GRM7: variants seen among roughly 807,000 people sequenced by gnomAD.
The protein encoded by GRM7 is glutamate metabotropic receptor 7, also known as metabotropic glutamate receptor 7.
GRM7 carries 35 observed loss-of-function variants against 84.5 expected under a neutral mutation model. The ratio of observed to expected loss-of-function variants is 0.41; its 90% CI spans 0.32 to 0.55. The LOEUF (loss-of-function observed/expected upper bound fraction) is 0.55, where lower values mean the gene tolerates loss of function less well. Among genes scored for constraint, GRM7 ranks in the 20% least tolerant of loss-of-function variants. The pLI is 0.19. For missense variants in GRM7, 1,003 were observed against 1,194.6 expected, an observed-to-expected ratio of 0.84 and a Z score of 2.36; for synonymous variants, 487 against 455.1, an observed-to-expected ratio of 1.07 and a Z score of -0.89.
At chr3:7,630,438 A>G (rs1314309085) in intron 8 of GRM7, among the ~76,000 whole-genome samples, 1 of 152,190 alleles carries the variant, frequency 6.6e-6, no homozygotes, top group Non-Finnish European at 1.5e-5. Flanking sequence ...GGTGACCTGT[A>G]TCTCTGTTGA....
At chr3:7,688,160 G>A (rs971458257) in intron 9 of GRM7, among the ~76,000 whole-genome samples, 2 of 152,130 alleles carry the variant, frequency 1.3e-5, no homozygotes, top group African/African-American at 4.8e-5. Context: ...TCCTGTCTAA[G>A]TTGACGCCTT....
intron 1 of GRM7, among the ~76,000 whole-genome samples, chr3:6,985,709 C>A (rs1694382780): frequency 6.6e-6 from 1 of 152,122 alleles, no homozygotes; most frequent in South Asian, 2.1e-4. Flanking sequence ...TCTGCTGGTG[C>A]TGAGGTAGTA....
chr3:7,074,672 G>C (rs565679314), intron 1 of GRM7, among the ~76,000 whole-genome samples: 53 of 152,170 alleles, frequency 3.5e-4, no homozygotes, highest in Non-Finnish European at 2.5e-4. Flanking sequence ...ATAATAATCA[G>C]TGACAGGCTG....
intron 1 of GRM7, among the ~76,000 whole-genome samples, chr3:6,895,748 TGTAAATACAA>T (rs960447020): frequency 5.3e-5 from 8 of 152,216 alleles, no homozygotes; most frequent in Admixed American, 5.2e-4. Flanking sequence ...ATATTTGAAT[TGTAAATACAA>T]GAATTTACTT....
intron 1 of GRM7, among the ~76,000 whole-genome samples, chr3:6,978,415 A>C (rs55654032): frequency 0.12 from 18,635 of 152,134 alleles, 1,217 homozygotes; most frequent in East Asian, 0.16. Context: ...AGTTTGTGGT[A>C]ATTTTTTAAA....
chr3:7,024,966 C>T (rs919824884), intron 1 of GRM7, among the ~76,000 whole-genome samples: 1 of 152,162 alleles, frequency 6.6e-6, no homozygotes, highest in Non-Finnish European at 1.5e-5. Flanking sequence ...AGTGCTAAAT[C>T]AACATGTTGG....
chr3:6,934,779 G>A (rs561158329), intron 1 of GRM7, among the ~76,000 whole-genome samples: 1 of 152,264 alleles, frequency 6.6e-6, no homozygotes, highest in South Asian at 2.1e-4. Context: ...AATAGAACTA[G>A]ATGAAGTTTG....
At chr3:7,214,425 C>G (rs1696534711) in intron 2 of GRM7, among the ~76,000 whole-genome samples, 2 of 152,204 alleles carry the variant, frequency 1.3e-5, no homozygotes, top group South Asian at 4.1e-4. Context: ...GGCTTGACCC[C>G]TTAGAGTTCA....
chr3:7,394,966 A>T (rs1000178322), intron 4 of GRM7, among the ~76,000 whole-genome samples: 8 of 151,082 alleles, frequency 5.3e-5, no homozygotes, highest in African/African-American at 1.5e-4. Context: ...TGAACCCAGG[A>T]GGTGGAGGTT....
At chr3:7,700,271 C>T (rs1476991208) in intron 9 of GRM7, among the ~76,000 whole-genome samples, 2 of 152,162 alleles carry the variant, frequency 1.3e-5, no homozygotes, top group Non-Finnish European at 2.9e-5. Flanking sequence ...TCTCTCTGGT[C>T]TCAATGACAG....
intron 4 of GRM7, among the ~76,000 whole-genome samples, chr3:7,412,724 A>G (rs1483633316): frequency 6.6e-6 from 1 of 152,184 alleles, no homozygotes; most frequent in Non-Finnish European, 1.5e-5. Context: ...GCACCTGGAG[A>G]TTAATTTTTG....
chr3:7,530,789 CTG>C (rs1173287533), intron 7 of GRM7, among the ~76,000 whole-genome samples: 1 of 149,998 alleles, frequency 6.7e-6, no homozygotes, highest in African/African-American at 2.4e-5. Context: ...TTTGATGGGT[CTG>C]TTTTTTTTTT....
intron 1 of GRM7, among the ~76,000 whole-genome samples, chr3:6,939,262 C>T (rs182874331): frequency 2.6e-5 from 4 of 152,244 alleles, no homozygotes; most frequent in Non-Finnish European, 5.9e-5. Context: ...TCCAGTTGTA[C>T]TCCCTCCCAG....
intron 7 of GRM7, among the ~76,000 whole-genome samples, chr3:7,474,532 C>G (rs1698841792): frequency 6.6e-6 from 1 of 151,860 alleles, no homozygotes; most frequent in African/African-American, 2.4e-5. Context: ...CTCAGTTGTG[C>G]ACATACATAA....
chr3:7,189,025 T>A (rs77457624), intron 2 of GRM7, among the ~76,000 whole-genome samples: 6 of 152,178 alleles, frequency 3.9e-5, no homozygotes, highest in African/African-American at 1.4e-4. Flanking sequence ...AGCCTTACTG[T>A]ATGGCCACCA....
At chr3:7,299,471 T>C (rs1699924085) in intron 3 of GRM7, among the ~76,000 whole-genome samples, 1 of 152,152 alleles carries the variant, frequency 6.6e-6, no homozygotes, top group African/African-American at 2.4e-5. Flanking sequence ...ATTTTTGTAA[T>C]CTTTATTTTT....
At chr3:7,101,925 G>C (rs1194721037) in intron 1 of GRM7, among the ~76,000 whole-genome samples, 1 of 150,826 alleles carries the variant, frequency 6.6e-6, no homozygotes, top group East Asian at 1.9e-4. Context: ...AAATGGCATT[G>C]TACTACTTCA....
intron 5 of GRM7, among the ~76,000 whole-genome samples, chr3:7,446,774 T>C (rs1575348343): frequency 6.6e-6 from 1 of 152,272 alleles, no homozygotes; most frequent in African/African-American, 2.4e-5. Context: ...TTTTTTTTTA[T>C]ATTAACAATT....
At chr3:7,672,588 G>C (rs949021440) in intron 8 of GRM7, among the ~76,000 whole-genome samples, 1 of 149,970 alleles carries the variant, frequency 6.7e-6, no homozygotes, top group South Asian at 2.1e-4. Context: ...GATGAAATAG[G>C]AGTTTTAATA....
Sources: allele counts gnomAD v4.1 joint callset (sites outside exome capture counted in the v4.1 genomes callset), GRCh38; gene constraint gnomAD v4.1.1; transcripts MANE v1.5; gene names NCBI Gene and HGNC (gene_info 2026-07-23, HGNC 2026-07-21).